The following FABP12 variants were observed in gnomAD, a reference collection of about 807,000 sequenced individuals.
FABP12 encodes fatty acid-binding protein 12.
FABP12 carries 19 observed loss-of-function variants against 13.7 expected under a neutral mutation model. The ratio of observed to expected loss-of-function variants is 1.39; its 90% CI spans 0.97 to 2.04. The LOEUF is 2.04. Ranked by LOEUF, FABP12 falls within the 30% of genes most tolerant of loss-of-function variation. FABP12 has a pLI of 0.00. For missense variants in FABP12, 182 were observed against 164.2 expected (o/e 1.11, Z -0.59); for synonymous variants, 61 against 57.0 (o/e 1.07, Z -0.32).
At chr8:81,533,802 C>T (rs1394098891) in exon 1 of FABP12, among the ~76,000 whole-genome samples, 1 of 152,132 alleles carries the variant, frequency 6.6e-6, no homozygotes, top group African/African-American at 2.4e-5. Context: ...ATGCAGTTAC[C>T]TTAGGACTTC....
At chr8:81,540,368 C>T (rs1563546510) in intron 1 of FABP12, among the ~76,000 whole-genome samples, 1 of 152,208 alleles carries the variant, frequency 6.6e-6, no homozygotes, top group Non-Finnish European at 1.5e-5. Context: ...GTAAATATCA[C>T]ATTAACCACA....
rs368240504 is a variant in FABP12, at chr8:81,531,223, T to C, written c.73+20A>G. On this transcript the variant is annotated intron_variant, in intron 2 of 4. Coordinates refer to ENST00000360464, the Ensembl canonical transcript of FABP12. ...ATGCCCATTTTTACTGGATATGATATGCAAGTAAACATAGCTCACCCAGCT... is the reference window on the plus strand; with the variant it reads ...ATGCCCATTTTTACTGGATATGATACGCAAGTAAACATAGCTCACCCAGCT... The C allele has an allele frequency of 5.7e-6, 9 of 1,571,702 alleles. No homozygotes were observed. In the African/African-American group the frequency reaches 1.2e-4, roughly 21 times the overall value.
At chr8:81,587,033 C>A (rs1396476269) in intron 1 of FABP12, among the ~76,000 whole-genome samples, 1 of 152,142 alleles carries the variant, frequency 6.6e-6, no homozygotes, top group Non-Finnish European at 1.5e-5. Flanking sequence ...ATCCCAGCAC[C>A]ATTTGTTGAA....
intron 1 of FABP12, among the ~76,000 whole-genome samples, chr8:81,588,869 A>T (rs1263457929): frequency 2.0e-5 from 3 of 152,224 alleles, no homozygotes; most frequent in Non-Finnish European, 4.4e-5. Context: ...TGAAAGCCAT[A>T]TGAATATCCC....
intron 2 of FABP12, among the ~76,000 whole-genome samples, chr8:81,529,936 G>T (rs1047058723): frequency 2.6e-5 from 4 of 152,134 alleles, no homozygotes; most frequent in African/African-American, 9.7e-5. Context: ...TTGAAAATCT[G>T]ATTAAAGCTA....
At chr8:81,551,503 G>A (rs115794981) in intron 1 of FABP12, among the ~76,000 whole-genome samples, 1,554 of 152,178 alleles carry the variant, frequency 0.01, 16 homozygotes, top group African/African-American at 0.034. Flanking sequence ...TGAAATACTC[G>A]TTTTATAAAA....
At chr8:81,551,941 C>T (rs566073404) in intron 1 of FABP12, among the ~76,000 whole-genome samples, 4 of 152,086 alleles carry the variant, frequency 2.6e-5, no homozygotes, top group South Asian at 4.2e-4. Context: ...CTAGTCGGGG[C>T]CCCATACTGT....
At chr8:81,566,759 T>A (rs1271126964) in intron 1 of FABP12, among the ~76,000 whole-genome samples, 1 of 152,134 alleles carries the variant, frequency 6.6e-6, no homozygotes, top group East Asian at 1.9e-4. Flanking sequence ...GTGACAAGGA[T>A]ACCCACTGTC....
At chr8:81,562,902 G>C (rs1312684729) in intron 1 of FABP12, among the ~76,000 whole-genome samples, 1 of 152,200 alleles carries the variant, frequency 6.6e-6, no homozygotes, top group Non-Finnish European at 1.5e-5. Flanking sequence ...CTCATCATAA[G>C]AGTCCTGGGG....
At chr8:81,567,165 A>T (rs1011714636) in intron 1 of FABP12, among the ~76,000 whole-genome samples, 1 of 152,238 alleles carries the variant, frequency 6.6e-6, no homozygotes, top group African/African-American at 2.4e-5. Flanking sequence ...ACACAAAAAA[A>T]TGGAAAGATA....
At chr8:81,533,441 C>T (rs747275389) in intron 1 of FABP12, among the ~76,000 whole-genome samples, 2 of 152,202 alleles carry the variant, frequency 1.3e-5, no homozygotes, top group Non-Finnish European at 2.9e-5. Flanking sequence ...AGGTCCCTGA[C>T]CAGCTTTTCA....
intron 1 of FABP12, among the ~76,000 whole-genome samples, chr8:81,570,881 C>T (rs753830269): frequency 6.6e-6 from 1 of 152,182 alleles, no homozygotes; most frequent in African/African-American, 2.4e-5. Context: ...GTCCGCAGGA[C>T]TGGAAGCCCA....
chr8:81,531,746 A>G (rs1809081624), intron 1 of FABP12, among the ~76,000 whole-genome samples: 1 of 152,118 alleles, frequency 6.6e-6, no homozygotes, highest in Non-Finnish European at 1.5e-5. Context: ...AAGCCAATTT[A>G]TTGGCTGTTT....
At chr8:81,544,638 T>C (rs1809405523) in intron 1 of FABP12, among the ~76,000 whole-genome samples, 1 of 151,938 alleles carries the variant, frequency 6.6e-6, no homozygotes, top group African/African-American at 2.4e-5. Context: ...TGAGAAGTTC[T>C]GCAGTTAAAA....
At chr8:81,562,110 A>G (rs142927459) in intron 1 of FABP12, among the ~76,000 whole-genome samples, 154 of 152,294 alleles carry the variant, frequency 1.0e-3, no homozygotes, top group African/African-American at 3.7e-3. Flanking sequence ...AGCCACAGTA[A>G]GATAGGGCAT....
At chr8:81,543,460 A>G (rs188234034) in intron 1 of FABP12, among the ~76,000 whole-genome samples, 1 of 152,346 alleles carries the variant, frequency 6.6e-6, no homozygotes, top group East Asian at 1.9e-4. Context: ...GTCAAAGTGA[A>G]GATGATGAGC....
intron 1 of FABP12, among the ~76,000 whole-genome samples, chr8:81,540,216 G>A (rs1809313678): frequency 1.3e-5 from 2 of 152,180 alleles, no homozygotes; most frequent in Non-Finnish European, 2.9e-5. Flanking sequence ...TGCTGAATCA[G>A]AAACTGAAAA....
At chr8:81,580,229 T>C (rs1810134794) in intron 1 of FABP12, among the ~76,000 whole-genome samples, 1 of 152,248 alleles carries the variant, frequency 6.6e-6, no homozygotes, top group Non-Finnish European at 1.5e-5. Flanking sequence ...TTTAACATGT[T>C]TGTAAGTTTT....
chr8:81,534,191 A>T (rs1008246680), upstream of FABP12, among the ~76,000 whole-genome samples: 1 of 152,038 alleles, frequency 6.6e-6, no homozygotes, highest in Admixed American at 6.6e-5. Context: ...AGCACCGTGG[A>T]GTTTACCAAT....
Sources: allele counts gnomAD v4.1 joint callset (sites outside exome capture counted in the v4.1 genomes callset), GRCh38; gene constraint gnomAD v4.1.1; transcripts MANE v1.5; gene names NCBI Gene and HGNC (gene_info 2026-07-23, HGNC 2026-07-21).